RBM19: variants seen among roughly 807,000 people sequenced by gnomAD.
RBM19 encodes RNA binding motif protein 19.
A neutral mutation model predicts 116.8 loss-of-function variants in RBM19; 94 were observed. The ratio of observed to expected loss-of-function variants is 0.80; its 90% CI spans 0.68 to 0.95. RBM19 has a LOEUF of 0.95. Ranked by LOEUF, RBM19 falls within the 40% of genes least tolerant of loss-of-function variation. The pLI is 0.00. For missense variants in RBM19, 1,161 were observed against 1,220.7 expected (o/e 0.95, Z 0.73); for synonymous variants, 475 against 494.1 (o/e 0.96, Z 0.51).
At position 113,946,382 on chromosome 12, in the gene RBM19, CCTT is replaced by C. The variant is rs754307303; in HGVS notation, c.1498_1500del (p.Lys500del). 88 of 1,613,922 alleles carry C rather than the reference CCTT, an allele frequency of 5.5e-5. No homozygotes were observed. In the Admixed American group the frequency reaches 1.0e-3, roughly 18 times the overall value. The stretch of plus-strand genomic sequence containing the variant: ...GCACTGTTGGCTTTGTCCTGGGCCT[CCTT>C]CTTCTTCTTGTAGGACGACGATCCC... On this transcript the variant is annotated inframe_deletion, in exon 12 of 24. Coordinates refer to ENST00000261741, the MANE Select transcript of RBM19 (RefSeq NM_016196.4).
At chr12:113,946,538 G>A (rs1468707990) in intron 11 of RBM19, 63 bp from the exon 12 acceptor site, 15 of 1,606,802 alleles carry the variant, frequency 9.3e-6, no homozygotes, top group South Asian at 3.3e-5. Context: ...GCTTCCTGCC[G>A]AAGGATGTTG....
chr12:113,912,837 G>C (rs1882527140), intron 21 of RBM19, among the ~76,000 whole-genome samples: 1 of 152,134 alleles, frequency 6.6e-6, no homozygotes, highest in African/African-American at 2.4e-5. Flanking sequence ...CTGAAATCCT[G>C]TCTGGGGCTT....
chr12:113,963,710 T>C lies in RBM19; in HGVS notation c.37-1296A>G, dbSNP rs111988632. Among the ~76,000 whole-genome samples, 5 of 152,308 alleles carry C rather than the reference T, an allele frequency of 3.3e-5. 1 individual carries two copies. The highest frequency in any genetic ancestry group is 9.6e-5 in the African/African-American group (4 of 41,576). On this transcript the variant is annotated intron_variant, in intron 1 of 23. Transcript: ENST00000261741. ...ACCTGGCTCAAGTCTGAATCCATCA[T>C]TCCTTTGCCAAAAACCTTTCGGTGA...
chr12:113,871,879 G>C (rs2135767358), intron 21 of RBM19, among the ~76,000 whole-genome samples: 1 of 152,144 alleles, frequency 6.6e-6, no homozygotes, highest in East Asian at 2.0e-4. Context: ...CGGGGCCGGA[G>C]GGCAAGGAGC....
intron 16 of RBM19, chr12:113,932,820 T>C (rs1489603421): frequency 8.7e-6 from 1 of 115,320 alleles, no homozygotes; most frequent in Non-Finnish European, 1.8e-5. Flanking sequence ...GGGCTAGGCC[T>C]GGGGGCGGGG....
intron 23 of RBM19, among the ~76,000 whole-genome samples, chr12:113,834,101 C>T (rs1205235252): frequency 2.0e-5 from 3 of 151,936 alleles, no homozygotes; most frequent in Non-Finnish European, 4.4e-5. Flanking sequence ...AACTTTGTTG[C>T]TATTTATTTA....
At chr12:113,828,650 A>T (rs937853039) in intron 23 of RBM19, among the ~76,000 whole-genome samples, 1 of 151,964 alleles carries the variant, frequency 6.6e-6, no homozygotes, top group Non-Finnish European at 1.5e-5. Context: ...TGTAGCTCCC[A>T]CCCTTGGGGA....
At chr12:113,875,561 G>C (rs1304218377) in intron 21 of RBM19, among the ~76,000 whole-genome samples, 2 of 152,174 alleles carry the variant, frequency 1.3e-5, no homozygotes, top group Non-Finnish European at 2.9e-5. Context: ...GACAGCCCAA[G>C]TCGGGACAGC....
chr12:113,952,917 A>T (rs115030604), intron 7 of RBM19, among the ~76,000 whole-genome samples: 1 of 152,120 alleles, frequency 6.6e-6, no homozygotes, highest in Non-Finnish European at 1.5e-5. Context: ...TTCACTTCTC[A>T]TTAAGCTTGA....
At chr12:113,881,062 C>A (rs1880083081) in intron 21 of RBM19, among the ~76,000 whole-genome samples, 1 of 152,208 alleles carries the variant, frequency 6.6e-6, no homozygotes, top group Admixed American at 6.5e-5. Flanking sequence ...AATTTGCTTC[C>A]TTACACACGC....
At position 113,956,953 on chromosome 12, in the gene RBM19, T is replaced by C. The variant is rs530568158; in HGVS notation, c.840+829A>G. ...TGCCTAGTGTGTAGCGCAGGCTCAGTTGATCCTCCCTATGATTGCTGATGA... is the reference window on the plus strand; with the variant it reads ...TGCCTAGTGTGTAGCGCAGGCTCAGCTGATCCTCCCTATGATTGCTGATGA... On this transcript the variant is annotated intron_variant, in intron 6 of 23. Transcript: ENST00000261741. Among the ~76,000 whole-genome samples the C allele has an allele frequency of 1.1e-4, 16 of 152,284 alleles. No individual in the cohort carries two copies. The South Asian group carries it at 2.5e-3, about 24-fold the overall frequency.
At chr12:113,914,342 C>A (rs1882639330) in intron 21 of RBM19, among the ~76,000 whole-genome samples, 1 of 152,226 alleles carries the variant, frequency 6.6e-6, no homozygotes, top group South Asian at 2.1e-4. Flanking sequence ...ATTTTCCACC[C>A]CTGTGCAAGC....
chr12:113,946,618 A>C (rs1871045673), intron 11 of RBM19, 143 bp from the exon 12 acceptor site: 16 of 1,076,156 alleles, frequency 1.5e-5, no homozygotes, highest in Non-Finnish European at 2.1e-5. Context: ...GGTCAGGTAG[A>C]ACGTGGCCAC....
At chr12:113,930,844 G>C (rs138298084) in intron 16 of RBM19, among the ~76,000 whole-genome samples, 2 of 152,144 alleles carry the variant, frequency 1.3e-5, no homozygotes, top group African/African-American at 4.8e-5. Flanking sequence ...CCGGAGAAGG[G>C]GGCCTGGAAA....
chr12:113,820,497 G>C (rs1403349543), downstream of RBM19, among the ~76,000 whole-genome samples: 1 of 152,130 alleles, frequency 6.6e-6, no homozygotes, highest in Non-Finnish European at 1.5e-5. Flanking sequence ...TGGGGCCTCG[G>C]TGCTGGGGTG....
Position 113,960,137 on chromosome 12 carries a change from T to A in RBM19, c.261A>T (p.Arg87Ser). 2 of 1,614,136 alleles carry A rather than the reference T, an allele frequency of 1.2e-6. No homozygotes were observed. The highest frequency in any genetic ancestry group is 1.7e-6 in the Non-Finnish European group (2 of 1,180,046). ...GTTTCTGGGCATGTTTGCTCCAGGCTCTGGGTTTGGCCGGGTCCCCGAATG... is the reference window on the plus strand; with the variant it reads ...GTTTCTGGGCATGTTTGCTCCAGGCACTGGGTTTGGCCGGGTCCCCGAATG... ...CKSFGDPAKPRAWSKHAQKPS... is the reference protein window; with the variant it reads ...CKSFGDPAKPSAWSKHAQKPS... Residue 87 changes from arginine (R) to serine (S), a missense_variant, in exon 3 of 24, where the codon AGA becomes AGT. Transcript: ENST00000261741.
At chr12:113,848,599 G>A (rs1361035920) in intron 22 of RBM19, among the ~76,000 whole-genome samples, 1 of 152,198 alleles carries the variant, frequency 6.6e-6, no homozygotes, top group Admixed American at 6.5e-5. Context: ...GGGCTTTTGG[G>A]TTGGCACAGA....
intron 16 of RBM19, among the ~76,000 whole-genome samples, chr12:113,927,601 A>C (rs371952637): frequency 0.028 from 2,592 of 93,278 alleles, 78 homozygotes; most frequent in African/African-American, 0.1. Context: ...CAAAAAAAAA[A>C]AAACAAAAAA....
chr12:113,947,612 T>C lies in RBM19; in HGVS notation c.1277-148A>G, dbSNP rs1566035994. 4 of 822,350 alleles carry C rather than the reference T, an allele frequency of 4.9e-6. No individual in the cohort carries two copies. In the East Asian group the frequency reaches 8.5e-5, roughly 17 times the overall value. 50.9% of individuals were successfully genotyped at this position (822,350 alleles called of 1,614,324 possible). On this transcript the variant is annotated intron_variant, in intron 10 of 23. Coordinates refer to ENST00000261741, the MANE Select transcript of RBM19 (RefSeq NM_016196.4). ...CGTGTGTCTATCCTAACAGCAACAA[T>C]ACCTGGGCTGGAGCCCAGCACCACC...
Sources: gnomAD v4.1 joint callset for allele counts (sites outside exome capture counted in the v4.1 genomes callset) on GRCh38, gnomAD v4.1.1 for gene constraint, MANE v1.5 for transcripts, NCBI Gene and HGNC (gene_info 2026-07-23, HGNC 2026-07-21) for gene names.